Variants in FAM174A observed in about 807,000 individuals in gnomAD.
The protein encoded by FAM174A is membrane protein FAM174A.
In FAM174A, 14 loss-of-function variants were observed where a neutral mutation model predicts 14.3. That is an observed-to-expected ratio of 0.98 (90% CI 0.65 to 1.53). FAM174A has a LOEUF of 1.53. Among genes scored for constraint, FAM174A ranks in the 40% most tolerant of loss-of-function variants. The probability of loss-of-function intolerance (pLI) is 0.00; values close to 1 mark genes in which losing one functional copy is unlikely to be tolerated. For missense variants in FAM174A, 241 were observed against 249.6 expected (o/e 0.97, Z 0.23); for synonymous variants, 108 against 111.4 (o/e 0.97, Z 0.19).
chr5:100,557,787 C>T (rs1746425559), intron 1 of FAM174A, among the ~76,000 whole-genome samples: 1 of 151,824 alleles, frequency 6.6e-6, no homozygotes, highest in South Asian at 2.1e-4. Flanking sequence ...GGTCATATCC[C>T]CTTTATCATT....
At chr5:100,582,079 T>C (rs926447990) in intron 2 of FAM174A, among the ~76,000 whole-genome samples, 2 of 152,218 alleles carry the variant, frequency 1.3e-5, no homozygotes, top group African/African-American at 4.8e-5. Context: ...GATTAGGTTC[T>C]AGTAATTTTG....
intron 2 of FAM174A, among the ~76,000 whole-genome samples, chr5:100,582,083 A>T (rs192158356): frequency 6.6e-6 from 1 of 152,282 alleles, no homozygotes; most frequent in East Asian, 1.9e-4. Flanking sequence ...AGGTTCTAGT[A>T]ATTTTGTGTT....
intron 2 of FAM174A, among the ~76,000 whole-genome samples, chr5:100,570,357 A>G (rs1352471729): frequency 6.6e-6 from 1 of 151,930 alleles, no homozygotes; most frequent in Non-Finnish European, 1.5e-5. Flanking sequence ...TGATTTTTTA[A>G]TGTTGATATT....
intron 2 of FAM174A, among the ~76,000 whole-genome samples, chr5:100,569,359 T>C (rs1746728427): frequency 6.7e-6 from 1 of 149,260 alleles, no homozygotes. Flanking sequence ...ATATATGACA[T>C]AGAGTTACAT....
intron 2 of FAM174A, among the ~76,000 whole-genome samples, chr5:100,577,964 C>G (rs1387104762): frequency 6.6e-6 from 1 of 152,054 alleles, no homozygotes; most frequent in Non-Finnish European, 1.5e-5. Flanking sequence ...ATAGCAGTTT[C>G]ATAGAGAAAG....
chr5:100,573,828 C>G (rs965196222), intron 2 of FAM174A, among the ~76,000 whole-genome samples: 7 of 151,370 alleles, frequency 4.6e-5, no homozygotes, highest in African/African-American at 1.5e-4. Context: ...TCAAACTATA[C>G]TACAAGGCTA....
At chr5:100,539,499 T>C (rs911473948) in intron 1 of FAM174A, among the ~76,000 whole-genome samples, 2 of 152,182 alleles carry the variant, frequency 1.3e-5, no homozygotes, top group East Asian at 1.9e-4. Context: ...AAGATTATTT[T>C]TGAGCTTTTA....
chr5:100,538,124 G>C (rs995222787), intron 1 of FAM174A, among the ~76,000 whole-genome samples: 1 of 152,064 alleles, frequency 6.6e-6, no homozygotes, highest in African/African-American at 2.4e-5. Context: ...TGGCTGCCTG[G>C]CATCCAAAGC....
At chr5:100,544,461 A>G (rs1426044827) in intron 1 of FAM174A, among the ~76,000 whole-genome samples, 1 of 152,038 alleles carries the variant, frequency 6.6e-6, no homozygotes, top group Non-Finnish European at 1.5e-5. Flanking sequence ...GAAGGAGAGG[A>G]GAGAGAGGGG....
In FAM174A at chr5:100,535,379, C is replaced by G. The variant is rs1030051046; in HGVS notation, c.-152C>G. 142 of 772,562 alleles carry G rather than the reference C, an allele frequency of 1.8e-4. No individual in the cohort carries two copies. The African/African-American group carries it at 2.3e-3, about 12-fold the overall frequency. The allele number at this position is 772,562 out of a possible 1,614,324, so 47.9% of individuals were successfully genotyped here. On this transcript the variant is annotated 5_prime_UTR_variant, in exon 1 of 3. Transcript: ENST00000312637. ...GAACTTCCGGTTCTCCGGGCAGCTG[C>G]CACTGCTGTAGCTTCTGCCACCTGC...
chr5:100,553,833 T>C (rs897232438), intron 1 of FAM174A, among the ~76,000 whole-genome samples: 2 of 152,150 alleles, frequency 1.3e-5, no homozygotes, highest in Non-Finnish European at 2.9e-5. Context: ...ATTAGGCAAA[T>C]TAGTTTGACC....
chr5:100,557,841 A>G (rs560040796), intron 1 of FAM174A, among the ~76,000 whole-genome samples: 1 of 151,702 alleles, frequency 6.6e-6, no homozygotes, highest in East Asian at 1.9e-4. Flanking sequence ...TTTCTTTATT[A>G]GTCTTGCTAG....
In FAM174A at chr5:100,555,638, G is replaced by C. The variant is rs1172259757; in HGVS notation, c.435-6416G>C. The stretch of plus-strand genomic sequence containing the variant: ...TCGCCATTCTAACTGGTGTGAGATG[G>C]TATCTCATTGTGGTTTTGATTTGCA... On this transcript the variant is annotated intron_variant, in intron 1 of 2. Coordinates refer to ENST00000312637, the MANE Select transcript of FAM174A (RefSeq NM_198507.3). 5.3e-5 allele frequency among the ~76,000 whole-genome samples: 8 copies of C among 152,086 alleles called. No individual in the cohort carries two copies. The East Asian group carries it at 5.8e-4, about 11-fold the overall frequency.
intron 2 of FAM174A, among the ~76,000 whole-genome samples, chr5:100,572,181 G>A (rs1422325770): frequency 1.3e-5 from 2 of 149,556 alleles, no homozygotes; most frequent in Non-Finnish European, 3.0e-5. Flanking sequence ...GTAATTAAAT[G>A]TAGTAAAGTT....
intron 2 of FAM174A, among the ~76,000 whole-genome samples, chr5:100,573,019 T>C (rs1483075416): frequency 6.6e-6 from 1 of 152,194 alleles, no homozygotes; most frequent in East Asian, 1.9e-4. Flanking sequence ...TAAGCATTTT[T>C]TCATGTGTTT....
At position 100,536,068 on chromosome 5, in the gene FAM174A, C is replaced by A; in HGVS notation, c.434+104C>A. The A allele has an allele frequency of 3.0e-6, 3 of 1,001,954 alleles. No homozygotes were observed. In the South Asian group the frequency reaches 5.5e-5, roughly 18 times the overall value. The allele number at this position is 1,001,954 out of a possible 1,614,324, so 62.1% of individuals were successfully genotyped here. ...TGACCCTTTCCCCCTTCCCCAGCATCAGGGACTCCTGCTTAAGAATATGAT... is the reference window on the plus strand; with the variant it reads ...TGACCCTTTCCCCCTTCCCCAGCATAAGGGACTCCTGCTTAAGAATATGAT... On this transcript the variant is annotated intron_variant, in intron 1 of 2. Coordinates refer to ENST00000312637, the MANE Select transcript of FAM174A (RefSeq NM_198507.3).
chr5:100,548,216 A>G (rs1746198519), intron 1 of FAM174A, among the ~76,000 whole-genome samples: 1 of 152,000 alleles, frequency 6.6e-6, no homozygotes, highest in South Asian at 2.1e-4. Context: ...GCCATTATGT[A>G]CTCCTTAGGG....
chr5:100,545,897 T>C (rs1315158054), intron 1 of FAM174A, among the ~76,000 whole-genome samples: 1 of 152,212 alleles, frequency 6.6e-6, no homozygotes, highest in Non-Finnish European at 1.5e-5. Context: ...CCTGTCATTA[T>C]GTATACTGTA....
intron 2 of FAM174A, chr5:100,581,237 T>A (rs1747004845): frequency 3.1e-6 from 1 of 318,416 alleles, no homozygotes; most frequent in Non-Finnish European, 4.5e-6. Flanking sequence ...GCCTGCGGCA[T>A]TTTTTTTGAG....
Sources: allele counts gnomAD v4.1 joint callset (sites outside exome capture counted in the v4.1 genomes callset), GRCh38; gene constraint gnomAD v4.1.1; transcripts MANE v1.5; gene names NCBI Gene and HGNC (gene_info 2026-07-23, HGNC 2026-07-21).